Variants in APOL5 observed in about 807,000 individuals in gnomAD.
APOL5 encodes apolipoprotein L5.
In APOL5, 29 loss-of-function variants were observed where a neutral mutation model predicts 35.5. That is an observed-to-expected ratio of 0.82 (90% CI 0.61 to 1.11). The LOEUF is 1.11. Ranked by LOEUF, APOL5 falls within the 50% of genes most tolerant of loss-of-function variation. The probability of loss-of-function intolerance (pLI) is 0.00; values close to 1 mark genes in which losing one functional copy is unlikely to be tolerated. For synonymous variants in APOL5, 188 were observed against 200.2 expected, an observed-to-expected ratio of 0.94 and a Z score of 0.51; for missense variants, 514 against 530.4, an observed-to-expected ratio of 0.97 and a Z score of 0.30.
chr22:35,728,412 A>T (rs532775119), intron 3 of APOL5, among the ~76,000 whole-genome samples: 1 of 152,218 alleles, frequency 6.6e-6, no homozygotes, highest in Admixed American at 6.5e-5. Flanking sequence ...TTTAGTAGAG[A>T]CAGGGTTTCA....
upstream of APOL5, among the ~76,000 whole-genome samples, chr22:35,717,453 A>G (rs1279223163): frequency 6.7e-6 from 1 of 149,802 alleles, no homozygotes; most frequent in Non-Finnish European, 1.5e-5. Flanking sequence ...TCCAAAAGCC[A>G]TAGCAGCTGA....
intron 2 of APOL5, among the ~76,000 whole-genome samples, chr22:35,723,168 G>A (rs557812386): frequency 1.3e-5 from 2 of 152,272 alleles, no homozygotes; most frequent in Admixed American, 6.5e-5. Context: ...CTTTGAGGCC[G>A]TGGGGTTCCT....
chr22:35,716,661 T>C (rs1038216153), upstream of APOL5, among the ~76,000 whole-genome samples: 2 of 152,168 alleles, frequency 1.3e-5, no homozygotes, highest in African/African-American at 4.8e-5. Flanking sequence ...ACCCTAGCCC[T>C]AAATCTCCCT....
At chr22:35,717,768 GA>G (rs1555930162), upstream of APOL5, 23 of 412,102 alleles carry the variant, frequency 5.6e-5, no homozygotes, top group South Asian at 3.1e-4. Context: ...GAAAAGAAAA[GA>G]AAAAAAAATA....
chr22:35,716,658 C>T (rs994189703), upstream of APOL5, among the ~76,000 whole-genome samples: 1 of 152,122 alleles, frequency 6.6e-6, no homozygotes, highest in Non-Finnish European at 1.5e-5. Context: ...GTCACCCTAG[C>T]CCTAAATCTC....
intron 3 of APOL5, among the ~76,000 whole-genome samples, chr22:35,727,905 TA>T (rs1208098351): frequency 6.6e-6 from 1 of 152,220 alleles, no homozygotes; most frequent in Non-Finnish European, 1.5e-5. Context: ...TACCAAAAAA[TA>T]AAGGAGAATT....
In APOL5 at chr22:35,728,598, G is replaced by C. The variant is rs568404815; in HGVS notation, c.1127-125G>C. On this transcript the variant is annotated intron_variant, in intron 3 of 4. Coordinates refer to ENST00000249044, the MANE Select transcript of APOL5 (RefSeq NM_030642.1). ...TTTGGGACCCACTGCCCTGGGGCGG[G>C]AGGGGTTTTCTTCTTCTCAAAGCCA... 7.4e-6 allele frequency: 8 copies of C among 1,081,428 alleles called. No individual in the cohort carries two copies. In the African/African-American group the frequency reaches 1.3e-4, roughly 18 times the overall value. 67.0% of individuals were successfully genotyped at this position (1,081,428 alleles called of 1,614,324 possible).
rs1409266660 is a variant in APOL5, at chr22:35,726,282, G to A, written c.214G>A (p.Gly72Ser). 6.2e-7 allele frequency: 1 copy of A among 1,614,044 alleles called. No homozygotes were observed. The change falls in exon 3 of 5, where the codon GGT (glycine) becomes AGT (serine). Residue 72 changes from glycine to serine, a missense_variant. Around this residue, in one of 3 missense-constraint regions of APOL5, gnomAD observed 254 missense variants for 254.7 expected, o/e 1.00. Transcript: ENST00000249044. ...LMSTVHSDEAGMLSYFLFEEL... is the reference protein window; with the variant it reads ...LMSTVHSDEASMLSYFLFEEL... ...GTCAACTGTCCACAGTGATGAGGCT[G>A]GTATGCTGTCCTACTTTCTGTTTGA...
chr22:35,712,456 G>T, the APOL5 span, among the ~76,000 whole-genome samples: 1 of 152,118 alleles, frequency 6.6e-6, no homozygotes, highest in East Asian at 1.9e-4. Flanking sequence ...AGCCTCAAGT[G>T]ATCCTCCCAC....
intron 1 of APOL5, among the ~76,000 whole-genome samples, chr22:35,720,217 G>C (rs1926916557): frequency 6.6e-6 from 1 of 152,216 alleles, no homozygotes; most frequent in Non-Finnish European, 1.5e-5. Flanking sequence ...ACCCTCACCG[G>C]GGACCATGCC....
intron 4 of APOL5, 21 bp from the exon 5 acceptor site, chr22:35,729,332 CT>C (rs878999251): frequency 2.3e-3 from 335 of 146,466 alleles, no homozygotes; most frequent in Middle Eastern, 3.5e-3. Context: ...TATTTCCTTT[CT>C]TTTTTTTTTT....
At chr22:35,712,389 T>C in the APOL5 span, among the ~76,000 whole-genome samples, 3 of 152,148 alleles carry the variant, frequency 2.0e-5, no homozygotes, top group South Asian at 2.1e-4. Flanking sequence ...TATTATTTTT[T>C]AATTTTTTGT....
chr22:35,728,673 G>T (rs371512315), intron 3 of APOL5, 50 bp from the exon 4 acceptor site: 1 of 1,583,494 alleles, frequency 6.3e-7, no homozygotes, highest in African/African-American at 1.4e-5. Flanking sequence ...ACGTCCAGGG[G>T]CAGATCTCTT....
At chr22:35,711,644 TTCCC>T in the APOL5 span, among the ~76,000 whole-genome samples, 11 of 145,438 alleles carry the variant, frequency 7.6e-5, no homozygotes, top group South Asian at 2.3e-4. Context: ...CCTTCCTTCC[TTCCC>T]TCCCTCCCTC....
chr22:35,717,210 T>A (rs1341155350), upstream of APOL5, among the ~76,000 whole-genome samples: 2 of 76,162 alleles, frequency 2.6e-5, no homozygotes, highest in African/African-American at 1.1e-4. Context: ...ACATGGTGAA[T>A]CTCCATCTCT....
At chr22:35,716,365 C>T (rs1468317056), upstream of APOL5, among the ~76,000 whole-genome samples, 3 of 152,290 alleles carry the variant, frequency 2.0e-5, no homozygotes, top group African/African-American at 4.8e-5. Flanking sequence ...CTCCGCCTCC[C>T]GGGTTCAAGA....
At position 35,726,886 on chromosome 22, in the gene APOL5, C is replaced by T; in HGVS notation, c.818C>T (p.Ala273Val). The T allele has an allele frequency of 6.2e-7, 1 of 1,614,176 alleles. No homozygotes were observed. The highest frequency in any genetic ancestry group is 8.5e-7 in the Non-Finnish European group (1 of 1,180,032). ...VAKRHIPFWT[A>V]RGVQRAFEGT... Reference sequence around the variant, plus strand: ...AAGAGACACATCCCTTTCTGGACGGCTAGAGGGGTGCAGAGAGCCTTTGAG... The same window carrying T: ...AAGAGACACATCCCTTTCTGGACGGTTAGAGGGGTGCAGAGAGCCTTTGAG... The change falls in exon 3 of 5, where the codon GCT becomes GTT. Residue 273 changes from alanine to valine, a missense_variant. Physicochemically the swap from Ala to Val is moderately conservative, Grantham distance 64 (BLOSUM62 0). Transcript: ENST00000249044.
chr22:35,715,935 A>G (rs1228959051), upstream of APOL5, among the ~76,000 whole-genome samples: 1 of 152,206 alleles, frequency 6.6e-6, no homozygotes, highest in East Asian at 1.9e-4. Context: ...GACAAATCAA[A>G]GTTGAATAAT....
In APOL5 at chr22:35,726,356, A is replaced by T; in HGVS notation, c.288A>T (p.Ser96=). 6.2e-7 allele frequency: 1 copy of T among 1,614,188 alleles called. No individual in the cohort carries two copies. The highest frequency in any genetic ancestry group is 1.1e-5 in the South Asian group (1 of 91,086). The change falls in exon 3 of 5, where the codon TCA becomes TCT. Residue 96 remains serine (S), a synonymous_variant. Coordinates refer to ENST00000249044, the MANE Select transcript of APOL5 (RefSeq NM_030642.1). ...DKDSMPDGNL[S]EEEKLFLSYF... is the part of the protein sequence containing the mutation. The stretch of plus-strand genomic sequence containing the variant: ...ATTCCATGCCAGATGGAAATCTGTC[A>T]GAGGAGGAAAAATTGTTTCTCTCAT...
Sources: allele counts gnomAD v4.1 joint callset (sites outside exome capture counted in the v4.1 genomes callset), GRCh38; gene constraint gnomAD v4.1.1; regional missense constraint gnomAD v4.1.1; transcripts MANE v1.5; gene names NCBI Gene and HGNC (gene_info 2026-07-23, HGNC 2026-07-21).